Variants in LAMB2 observed in about 807,000 individuals in gnomAD.
LAMB2 encodes the protein laminin subunit beta 2, also known as laminin subunit beta-2.
A neutral mutation model predicts 202.7 loss-of-function variants in LAMB2; 119 were observed. The observed-to-expected ratio is 0.59, with a 90% CI of 0.51 to 0.68. LAMB2 has a LOEUF of 0.68. Ranked by LOEUF, LAMB2 falls within the 30% of genes least tolerant of loss-of-function variation. The probability of loss-of-function intolerance (pLI) is 0.00; values close to 1 mark genes in which losing one functional copy is unlikely to be tolerated. For missense variants in LAMB2, 2,124 were observed against 2,410.6 expected (o/e 0.88, Z 2.49); for synonymous variants, 818 against 902.2 (o/e 0.91, Z 1.67).
chr3:49,122,619 G>A (rs1477360222), intron 27 of LAMB2, 85 bp downstream of exon 27: 5 of 1,184,718 alleles, frequency 4.2e-6, no homozygotes, highest in Non-Finnish European at 6.3e-6. Flanking sequence ...AGTCCCTGAG[G>A]CTCAAGTATG....
Position 49,125,452 on chromosome 3 carries a change from T to C in LAMB2, c.2521A>G (p.Ser841Gly). Residue 841 changes from serine (S) to glycine (G), a missense_variant, in exon 19 of 32, where the codon AGT becomes GGT. Physicochemically the swap from Ser to Gly is moderately conservative, Grantham distance 56 (BLOSUM62 0). Coordinates refer to ENST00000305544, the MANE Select transcript of LAMB2 (RefSeq NM_002292.4). Reference protein sequence around the residue: ...CQCSHEGALSSLCEKTSGQCL... With the variant: ...CQCSHEGALSGLCEKTSGQCL... The stretch of plus-strand genomic sequence containing the variant: ...TGCCCACTGGTCTTTTCACAGAGAC[T>C]GCTGAGTGCCCCCTCGTGGCTGCAC... 6.2e-7 allele frequency: 1 copy of C among 1,611,306 alleles called. No homozygotes were observed. The highest frequency in any genetic ancestry group is 1.1e-5 in the South Asian group (1 of 90,868).
chr3:49,129,027 C>T lies in LAMB2; in HGVS notation c.1724G>A (p.Arg575Gln), dbSNP rs61729152. 0.018 allele frequency: 28,442 copies of T among 1,609,380 alleles called. 333 individuals carry two copies. The highest frequency in any genetic ancestry group is 0.022 in the Non-Finnish European group (25,671 of 1,179,988). ...TAGGGGGAGGCCCCACACCTGCCCT[C>T]GGGTGTCCTCAGCCTCCCAAATTAG... ...DHLIWEAEDTRGQVLDVVERL... is the reference protein window; with the variant it reads ...DHLIWEAEDTQGQVLDVVERL... Residue 575 changes from arginine (R) to glutamine (Q), a missense_variant, in exon 13 of 32, where the codon CGA (arginine) becomes CAA (glutamine). Transcript: ENST00000305544. This position sits in a 1 kb window ranked among gnomAD's most constrained non-coding sequence, Gnocchi z 6.1.
chr3:49,122,276 C>T lies in LAMB2; in HGVS notation c.4668G>A (p.Ala1556=), dbSNP rs766074746. The change falls in exon 28 of 32, where the codon GCG becomes GCA. Residue 1556 remains alanine (A), a synonymous_variant. Coordinates refer to ENST00000305544, the MANE Select transcript of LAMB2 (RefSeq NM_002292.4). ...TCCGGACTCGCTCTGCAATCGCACCCGCCAGGTGCTGGATCTGCTCAGCTG... is the reference window on the plus strand; with the variant it reads ...TCCGGACTCGCTCTGCAATCGCACCTGCCAGGTGCTGGATCTGCTCAGCTG... ...PASAEQIQHL[A]GAIAERVRSL... 13 of 1,613,430 alleles carry T rather than the reference C, an allele frequency of 8.1e-6. No individual in the cohort carries two copies. Among genetic ancestry groups the T allele is most frequent in the Admixed American group, 5.0e-5 (3 of 60,006 alleles).
In LAMB2 at chr3:49,130,559, T is replaced by A; in HGVS notation, c.1037-140A>T. 7.5e-7 allele frequency: 1 copy of A among 1,340,740 alleles called. No individual in the cohort carries two copies. The highest frequency in any genetic ancestry group is 1.7e-5 in the Admixed American group (1 of 59,248). The allele number at this position is 1,340,740 out of a possible 1,614,324, so 83.1% of individuals were successfully genotyped here. On this transcript the variant is annotated intron_variant, in intron 8 of 31. Transcript: ENST00000305544. The surrounding 1 kb of genome is among the most constrained non-coding windows in gnomAD (Gnocchi z 5.0). ...GGACTTCAAGGCCTCAGCATCATAC[T>A]GGTTCCCTACCCAGAGCAGACTGCA...
chr3:49,129,563 A>T lies in LAMB2; in HGVS notation c.1518+41T>A. 6.6e-7 allele frequency: 1 copy of T among 1,512,224 alleles called. No homozygotes were observed. The highest frequency in any genetic ancestry group is 1.1e-5 in the South Asian group (1 of 88,938). 93.7% of individuals were successfully genotyped at this position (1,512,224 alleles called of 1,614,324 possible). On this transcript the variant is annotated intron_variant, in intron 11 of 31. Transcript: ENST00000305544. This position sits in a 1 kb window ranked among gnomAD's most constrained non-coding sequence, Gnocchi z 6.1. ...GACACCCCAGCCCTGTGCTCTAAGG[A>T]CAAATCATGCCCCTAGAACTCCAGC...
In LAMB2 at chr3:49,129,864, G is replaced by T; in HGVS notation, c.1380C>A (p.Ser460Arg). Residue 460 changes from serine to arginine, a missense_variant, in exon 10 of 32, where the codon AGC becomes AGA. Physicochemically the swap from Ser to Arg is moderately radical, Grantham distance 110. This residue lies in a region of LAMB2 where 1,702 missense variants were observed against 1,896.3 expected (regional missense o/e 0.90). Coordinates refer to ENST00000305544, the MANE Select transcript of LAMB2 (RefSeq NM_002292.4). The surrounding 1 kb of genome is among the most constrained non-coding windows in gnomAD (Gnocchi z 6.1). ...QQCRDGFFGL[S>R]ISDRLGCRRC... ...GCCGGCAGCCCAGACGGTCACTGAT[G>T]CTGAGCCCAAAGAAGCCATCACGGC... 1 of 1,613,912 alleles carries T rather than the reference G, an allele frequency of 6.2e-7. No individual in the cohort carries two copies. Among genetic ancestry groups the T allele is most frequent in the Non-Finnish European group, 8.5e-7 (1 of 1,180,040 alleles).
At position 49,131,744 on chromosome 3, in the gene LAMB2, G is replaced by C. The variant is rs1344444769; in HGVS notation, c.460-21C>G. On this transcript the variant is annotated intron_variant, in intron 4 of 31. Coordinates refer to ENST00000305544, the MANE Select transcript of LAMB2 (RefSeq NM_002292.4). This position sits in a 1 kb window ranked among gnomAD's most constrained non-coding sequence, Gnocchi z 5.0. ...AATGTCTGGGTAGGGGGGCATAGCT[G>C]ATCAGCAGGCACCAGGACCCAAGCC... 9 of 1,611,744 alleles carry C rather than the reference G, an allele frequency of 5.6e-6. No homozygotes were observed. In the Admixed American group the frequency reaches 1.3e-4, roughly 24 times the overall value.
Position 49,130,349 on chromosome 3 carries a change from C to G in LAMB2, c.1107G>C (p.Val369=). The G allele has an allele frequency of 6.2e-7, 1 of 1,614,174 alleles. No individual in the cohort carries two copies. The highest frequency in any genetic ancestry group is 1.7e-5 in the Admixed American group (1 of 60,032). ...GACATCCATCACACACACCTCCACTCACATTGCCAGATGCCAGGTATACGG... is the reference window on the plus strand; with the variant it reads ...GACATCCATCACACACACCTCCACTGACATTGCCAGATGCCAGGTATACGG... ...DMAVYLASGN[V]SGGVCDGCQH... The change falls in exon 9 of 32, where the codon GTG becomes GTC. Residue 369 remains valine (V), a synonymous_variant. Transcript: ENST00000305544. This position sits in a 1 kb window ranked among gnomAD's most constrained non-coding sequence, Gnocchi z 5.0.
chr3:49,128,474 G>A lies in LAMB2; in HGVS notation c.2002C>T (p.Leu668=). 1 of 1,614,038 alleles carries A rather than the reference G, an allele frequency of 6.2e-7. No homozygotes were observed. Residue 668 remains leucine (L), a synonymous_variant, in exon 15 of 32, where the codon CTG becomes TTG. Transcript: ENST00000305544. ...TGCCCTCACCTGGCATGTGGTTGCA[G>A]AGTCCCTTGGATGCGATCATCCTTG... ...VPKDDRIQGT[L]QPHARYLIFP...
At position 49,130,561 on chromosome 3, in the gene LAMB2, G is replaced by T. The variant is rs2045469670; in HGVS notation, c.1037-142C>A. 3.7e-6 allele frequency: 5 copies of T among 1,337,710 alleles called. No homozygotes were observed. The highest frequency in any genetic ancestry group is 5.3e-6 in the Non-Finnish European group (5 of 939,354). 82.9% of individuals were successfully genotyped at this position (1,337,710 alleles called of 1,614,324 possible). ...ACTTCAAGGCCTCAGCATCATACTG[G>T]TTCCCTACCCAGAGCAGACTGCAGA... is the stretch of plus-strand genomic sequence containing the variant. On this transcript the variant is annotated intron_variant, in intron 8 of 31. Coordinates refer to ENST00000305544, the MANE Select transcript of LAMB2 (RefSeq NM_002292.4). This position sits in a 1 kb window ranked among gnomAD's most constrained non-coding sequence, Gnocchi z 5.0.
In LAMB2 at chr3:49,123,331, T is replaced by A. The variant is rs760170666; in HGVS notation, c.4025A>T (p.Glu1342Val). Residue 1342 changes from glutamate to valine, a missense_variant, in exon 26 of 32, where the codon GAG becomes GTG. Glu to Val is a moderately radical substitution (Grantham distance 121). Transcript: ENST00000305544. ...TGAGGTATTGGCACGACGTTCTGCC[T>A]CTGCAGACTGGCTATGGGCATGCCG... is the stretch of plus-strand genomic sequence containing the variant. The part of the protein sequence containing the change: ...SIRHAHSQSA[E>V]AERRANTSAL... 1.9e-6 allele frequency: 3 copies of A among 1,613,966 alleles called. No individual in the cohort carries two copies.
In LAMB2 at chr3:49,130,467, C is replaced by A; in HGVS notation, c.1037-48G>T. On this transcript the variant is annotated intron_variant, in intron 8 of 31. Coordinates refer to ENST00000305544, the MANE Select transcript of LAMB2 (RefSeq NM_002292.4). The surrounding 1 kb of genome is among the most constrained non-coding windows in gnomAD (Gnocchi z 5.0). The stretch of plus-strand genomic sequence containing the variant: ...GCAAAGGCCACATGAGGAACCAGGT[C>A]ACAAGGGTAAGAAGTAGGCCACCTT... 6.2e-7 allele frequency: 1 copy of A among 1,608,096 alleles called. No individual in the cohort carries two copies. The highest frequency in any genetic ancestry group is 1.1e-5 in the South Asian group (1 of 90,824).
In LAMB2 at chr3:49,130,610, G is replaced by A. The variant is rs938592843; in HGVS notation, c.1036+130C>T. The A allele has an allele frequency of 3.0e-5, 43 of 1,449,852 alleles. 1 individual carries two copies. The highest frequency in any genetic ancestry group is 3.9e-5 in the Non-Finnish European group (41 of 1,042,340). 89.8% of individuals were successfully genotyped at this position (1,449,852 alleles called of 1,614,324 possible). A position where few individuals can be genotyped will look rare whatever the true frequency, so the allele number is the denominator to read the frequency against. ...GAGGAGGATTGAGGGGGTCCCAAGGGGCATCAAGGTCTGCATACTCTTTGG... is the reference window on the plus strand; with the variant it reads ...GAGGAGGATTGAGGGGGTCCCAAGGAGCATCAAGGTCTGCATACTCTTTGG... On this transcript the variant is annotated intron_variant, in intron 8 of 31. Coordinates refer to ENST00000305544, the MANE Select transcript of LAMB2 (RefSeq NM_002292.4). This position sits in a 1 kb window ranked among gnomAD's most constrained non-coding sequence, Gnocchi z 5.0.
chr3:49,124,977 T>C, intron 20 of LAMB2, 29 bp downstream of exon 20: 1 of 1,613,922 alleles, frequency 6.2e-7, no homozygotes, highest in Non-Finnish European at 8.5e-7. Context: ...CAACTCACCC[T>C]GATCCCACGC....
chr3:49,132,407 TG>T lies in LAMB2; in HGVS notation c.250-3del, dbSNP rs767704424. ...ACAAAGGAAGCACTTCTTTTCGTCC[TG>T]GGTTGGATGGGGATTAGAATCAGTG... On this transcript the variant is annotated splice_region_variant and splice_polypyrimidine_tract_variant and intron_variant, in intron 2 of 31. Transcript: ENST00000305544. The surrounding 1 kb of genome is among the most constrained non-coding windows in gnomAD (Gnocchi z 4.6). 6.2e-7 allele frequency: 1 copy of T among 1,614,264 alleles called. No individual in the cohort carries two copies. The highest frequency in any genetic ancestry group is 1.1e-5 in the South Asian group (1 of 91,090).
At chr3:49,125,722 G>C in intron 18 of LAMB2, 25 bp downstream of exon 18, 1 of 1,611,458 alleles carries the variant, frequency 6.2e-7, no homozygotes. Flanking sequence ...AGAAGCATAG[G>C]AGGGAACAAG....
At position 49,122,832 on chromosome 3, in the gene LAMB2, C is replaced by G; in HGVS notation, c.4445G>C (p.Arg1482Pro). 1 of 1,613,078 alleles carries G rather than the reference C, an allele frequency of 6.2e-7. No homozygotes were observed. The highest frequency in any genetic ancestry group is 8.5e-7 in the Non-Finnish European group (1 of 1,180,022). The change falls in exon 27 of 32, where the codon CGG becomes CCG. Residue 1482 changes from arginine (R) to proline (P), a missense_variant. Around this residue, in one of 3 missense-constraint regions of LAMB2, gnomAD observed 1,702 missense variants for 1,896.3 expected, o/e 0.90. Transcript: ENST00000305544. ...CCGCTGCTGTGCCTCGCTTGCCTGC[C>G]GACGAGTCTCAGCCACTCTGCTGAG... ...SILSRVAETR[R>P]QASEAQQRAQ...
rs772903031 is a variant in LAMB2, at chr3:49,122,200, G to A, written c.4744C>T (p.Arg1582Cys). ...ILARTVGDVR[R>C]AEQLLQDARR... ...GCATCCTGCAGTAGCTGCTCGGCAC[G>A]ACGCACATCTCCTACAGTACGTGCC... is the stretch of plus-strand genomic sequence containing the variant. The change falls in exon 28 of 32, where the codon CGT becomes TGT. Residue 1582 changes from arginine (R) to cysteine (C), a missense_variant. Physicochemically the swap from Arg to Cys is radical, Grantham distance 180. Coordinates refer to ENST00000305544, the MANE Select transcript of LAMB2 (RefSeq NM_002292.4). The A allele has an allele frequency of 1.8e-5, 29 of 1,613,362 alleles. No homozygotes were observed. The highest frequency in any genetic ancestry group is 1.6e-4 in the Middle Eastern group (1 of 6,084).
Position 49,130,389 on chromosome 3 carries a change from C to T in LAMB2, c.1067G>A (p.Cys356Tyr). ...KCECHGHTHS[C>Y]HFDMAVYLAS... ...CAGGTATACGGCCATGTCGAAGTGG[C>T]AGCTGTGGGTGTGCCCATGGCACTC... The change falls in exon 9 of 32, where the codon TGC becomes TAC. Residue 356 changes from cysteine (C) to tyrosine (Y), a missense_variant. Physicochemically the swap from Cys to Tyr is radical, Grantham distance 194. Around this residue, in one of 3 missense-constraint regions of LAMB2, gnomAD observed 256 missense variants for 356.1 expected, o/e 0.72. Transcript: ENST00000305544. The surrounding 1 kb of genome is among the most constrained non-coding windows in gnomAD (Gnocchi z 5.0). 6.2e-7 allele frequency: 1 copy of T among 1,614,086 alleles called. No homozygotes were observed. Among genetic ancestry groups the T allele is most frequent in the Non-Finnish European group, 8.5e-7 (1 of 1,180,050 alleles).
Sources: gnomAD v4.1 joint callset for allele counts on GRCh38, gnomAD v4.1.1 for gene constraint, gnomAD v4.1.1 regional missense constraint, Gnocchi (gnomAD v3.1) non-coding constraint, MANE v1.5 for transcripts, NCBI Gene and HGNC (gene_info 2026-07-23, HGNC 2026-07-21) for gene names.